Variants in RIN3 observed in about 807,000 individuals in gnomAD.
RIN3 encodes the protein Ras and Rab interactor 3.
Under a neutral mutation model 76.3 loss-of-function variants are expected in RIN3, and 54 were observed. That is an observed-to-expected ratio of 0.71 (90% CI 0.57 to 0.89). RIN3 has a LOEUF of 0.89. Ranked by LOEUF, RIN3 falls within the 40% of genes least tolerant of loss-of-function variation. The pLI is 0.00. For synonymous variants in RIN3, 576 were observed against 564.0 expected (o/e 1.02, Z -0.30); for missense variants, 1,256 against 1,322.1 (o/e 0.95, Z 0.78).
chr14:92,557,939 G>A (rs72697253), intron 2 of RIN3, among the ~76,000 whole-genome samples: 5 of 152,248 alleles, frequency 3.3e-5, no homozygotes, highest in Non-Finnish European at 5.9e-5. Flanking sequence ...CAGGGCAGGT[G>A]TGTGGATGGG....
intron 2 of RIN3, among the ~76,000 whole-genome samples, chr14:92,566,811 C>T (rs965661089): frequency 1.3e-5 from 2 of 152,150 alleles, no homozygotes; most frequent in African/African-American, 2.4e-5. Flanking sequence ...CTGGACCTGC[C>T]GCTTGAATGC....
At chr14:92,674,380 C>G (rs895760746) in intron 7 of RIN3, among the ~76,000 whole-genome samples, 2 of 152,196 alleles carry the variant, frequency 1.3e-5, no homozygotes, top group Non-Finnish European at 2.9e-5. Context: ...ATGTGCAGAG[C>G]TCACTATGAA....
chr14:92,598,374 C>T (rs1885226532), intron 3 of RIN3, among the ~76,000 whole-genome samples: 1 of 152,220 alleles, frequency 6.6e-6, no homozygotes, highest in Non-Finnish European at 1.5e-5. Flanking sequence ...CCACTAAGTG[C>T]CCTAGTCAGT....
At chr14:92,584,748 C>T (rs1392726755) in intron 3 of RIN3, among the ~76,000 whole-genome samples, 1 of 152,178 alleles carries the variant, frequency 6.6e-6, no homozygotes, top group Non-Finnish European at 1.5e-5. Flanking sequence ...AGTGAGCCAC[C>T]TGGCCAGGAG....
intron 7 of RIN3, among the ~76,000 whole-genome samples, chr14:92,660,887 A>T (rs1461186573): frequency 6.6e-6 from 1 of 152,190 alleles, no homozygotes; most frequent in African/African-American, 2.4e-5. Flanking sequence ...TCATCCCTTC[A>T]GCTGGTGCCC....
intron 3 of RIN3, among the ~76,000 whole-genome samples, chr14:92,612,900 G>C (rs1181223480): frequency 2.0e-5 from 3 of 152,202 alleles, no homozygotes; most frequent in African/African-American, 7.2e-5. Flanking sequence ...CCCAGCAAGG[G>C]GACTAGATAC....
chr14:92,587,921 G>A (rs1190800786), intron 3 of RIN3, among the ~76,000 whole-genome samples: 3 of 152,148 alleles, frequency 2.0e-5, no homozygotes, highest in Non-Finnish European at 4.4e-5. Flanking sequence ...CCAAGATCAG[G>A]ACACCAGCAG....
At chr14:92,620,383 T>C (rs1886130618) in intron 4 of RIN3, among the ~76,000 whole-genome samples, 1 of 152,240 alleles carries the variant, frequency 6.6e-6, no homozygotes, top group Non-Finnish European at 1.5e-5. Context: ...ACTCAAATTC[T>C]ATTTACAAGA....
At chr14:92,632,994 A>G (rs1431139148) in intron 4 of RIN3, among the ~76,000 whole-genome samples, 2 of 152,190 alleles carry the variant, frequency 1.3e-5, no homozygotes, top group Non-Finnish European at 2.9e-5. Context: ...ACTGCTCTTC[A>G]GCGAGCAACC....
At chr14:92,678,977 GA>G (rs1223185310) in intron 8 of RIN3, among the ~76,000 whole-genome samples, 1 of 152,174 alleles carries the variant, frequency 6.6e-6, no homozygotes, top group African/African-American at 2.4e-5. Flanking sequence ...CTCTCCTATG[GA>G]CTTGCGTCCC....
At chr14:92,524,679 G>A (rs1235868884) in intron 1 of RIN3, among the ~76,000 whole-genome samples, 1 of 152,220 alleles carries the variant, frequency 6.6e-6, no homozygotes, top group African/African-American at 2.4e-5. Context: ...CCCTAGCTCT[G>A]CAGTCCTCAG....
At chr14:92,558,494 C>G (rs1212991089) in intron 2 of RIN3, among the ~76,000 whole-genome samples, 1 of 152,228 alleles carries the variant, frequency 6.6e-6, no homozygotes, top group African/African-American at 2.4e-5. Flanking sequence ...CCATTATACC[C>G]ATTTCACAGA....
intron 5 of RIN3, among the ~76,000 whole-genome samples, chr14:92,645,658 TAAA>T: frequency 6.6e-6 from 1 of 152,136 alleles, no homozygotes; most frequent in East Asian, 1.9e-4. Flanking sequence ...TTTGGGGTGA[TAAA>T]AAATGCCCTA....
intron 3 of RIN3, among the ~76,000 whole-genome samples, chr14:92,582,953 A>G (rs528732068): frequency 2.6e-4 from 39 of 152,310 alleles, no homozygotes; most frequent in African/African-American, 7.7e-4. Flanking sequence ...CATGGAAGCC[A>G]CACAGCTTTT....
intron 4 of RIN3, among the ~76,000 whole-genome samples, chr14:92,619,438 T>C (rs1886091910): frequency 3.1e-4 from 2 of 6,456 alleles, no homozygotes; most frequent in Non-Finnish European, 1.2e-3. Flanking sequence ...TAGTAGTCTT[T>C]TTTTTTTTTT....
chr14:92,650,099 C>CA (rs1887355608), intron 5 of RIN3, among the ~76,000 whole-genome samples: 1 of 152,240 alleles, frequency 6.6e-6, no homozygotes, highest in South Asian at 2.1e-4. Flanking sequence ...CTTTCAACAT[C>CA]AAGAGCCTGT....
intron 4 of RIN3, among the ~76,000 whole-genome samples, chr14:92,619,589 G>A (rs537904209): frequency 1.3e-5 from 2 of 151,952 alleles, no homozygotes; most frequent in African/African-American, 4.8e-5. Flanking sequence ...ACAAGCGCCT[G>A]GCTAATTTTT....
At chr14:92,557,998 A>G (rs1897647310) in intron 2 of RIN3, among the ~76,000 whole-genome samples, 2 of 152,238 alleles carry the variant, frequency 1.3e-5, no homozygotes, top group Non-Finnish European at 1.5e-5. Context: ...CTGGCTCTCC[A>G]GAGCAAGCTG....
intron 2 of RIN3, among the ~76,000 whole-genome samples, chr14:92,572,402 T>C (rs1295496698): frequency 6.6e-6 from 1 of 152,250 alleles, no homozygotes; most frequent in Non-Finnish European, 1.5e-5. Context: ...GGGCACAGTT[T>C]GTGAGATGTA....
Sources: gnomAD v4.1 joint callset for allele counts (sites outside exome capture counted in the v4.1 genomes callset) on GRCh38, gnomAD v4.1.1 for gene constraint, MANE v1.5 for transcripts, NCBI Gene and HGNC (gene_info 2026-07-23, HGNC 2026-07-21) for gene names.